GRID1: variants seen among roughly 807,000 people sequenced by gnomAD.
GRID1 encodes glutamate receptor ionotropic, delta-1.
A neutral mutation model predicts 98.0 loss-of-function variants in GRID1; 28 were observed. The ratio of observed to expected loss-of-function variants is 0.29; its 90% CI spans 0.21 to 0.39. The LOEUF (loss-of-function observed/expected upper bound fraction) is 0.39, where lower values mean the gene tolerates loss of function less well. Ranked by LOEUF, GRID1 falls within the 10% of genes least tolerant of loss-of-function variation. GRID1 has a pLI of 1.00. For synonymous variants in GRID1, 553 were observed against 538.5 expected, an observed-to-expected ratio of 1.03 and a Z score of -0.37; for missense variants, 1,111 against 1,340.5, an observed-to-expected ratio of 0.83 and a Z score of 2.67.
chr10:85,781,218 T>A (rs1013461723), intron 8 of GRID1, among the ~76,000 whole-genome samples: 1 of 152,184 alleles, frequency 6.6e-6, no homozygotes, highest in Non-Finnish European at 1.5e-5. Flanking sequence ...AACCCAATTT[T>A]AAAAAATCAA....
At chr10:85,847,902 CTATT>C (rs749387443) in intron 8 of GRID1, among the ~76,000 whole-genome samples, 9 of 152,070 alleles carry the variant, frequency 5.9e-5, no homozygotes, top group Non-Finnish European at 5.9e-5. Flanking sequence ...CAAAGGCAAA[CTATT>C]TATTGGAACA....
chr10:86,078,475 G>A (rs1399407385), intron 4 of GRID1, among the ~76,000 whole-genome samples: 2 of 152,236 alleles, frequency 1.3e-5, no homozygotes. Flanking sequence ...TTCTCCACAA[G>A]CCATCCCCCT....
At position 85,969,409 on chromosome 10, in the gene GRID1, T is replaced by C. The variant is rs145635940; in HGVS notation, c.727-53170A>G. On this transcript the variant is annotated intron_variant, in intron 4 of 15. Transcript: ENST00000327946. ...ATTCTTCTCATGCACACATGGAACA[T>C]TTCCCCAGGATAGGACAGACTATGT... Among the ~76,000 whole-genome samples, 4 of 152,268 alleles carry C rather than the reference T, an allele frequency of 2.6e-5. No homozygotes were observed. The East Asian group carries it at 5.8e-4, about 22-fold the overall frequency.
Position 85,835,504 on chromosome 10 carries a change from G to C in GRID1, c.1233+18992C>G, listed in dbSNP as rs1842904713. ...CTTCCCCTGCACAATCTCCCTTGCT[G>C]ACCGCCAGGTAAGACGTGATATTGC... On this transcript the variant is annotated intron_variant, in intron 8 of 15. Transcript: ENST00000327946. Among the ~76,000 whole-genome samples the C allele has an allele frequency of 3.9e-5, 6 of 152,172 alleles. No individual in the cohort carries two copies. In the South Asian group the frequency reaches 1.2e-3, roughly 32 times the overall value.
At chr10:85,604,707 C>T (rs866869845) in intron 15 of GRID1, among the ~76,000 whole-genome samples, 13 of 152,228 alleles carry the variant, frequency 8.5e-5, no homozygotes, top group Admixed American at 3.3e-4. Context: ...TTACCTTACA[C>T]CATGGTGGAG....
intron 2 of GRID1, among the ~76,000 whole-genome samples, chr10:86,262,766 G>C (rs757497577): frequency 3.9e-5 from 6 of 152,164 alleles, no homozygotes; most frequent in Non-Finnish European, 8.8e-5. Context: ...GCCTCTCAGC[G>C]CACCCTAATT....
At chr10:86,322,547 A>C (rs1847985623) in intron 2 of GRID1, among the ~76,000 whole-genome samples, 1 of 151,674 alleles carries the variant, frequency 6.6e-6, no homozygotes, top group South Asian at 2.1e-4. Context: ...AGCAGCTGGG[A>C]CTAGAGGCAC....
At chr10:86,105,302 T>C (rs951151229) in intron 4 of GRID1, among the ~76,000 whole-genome samples, 12 of 151,878 alleles carry the variant, frequency 7.9e-5, no homozygotes, top group African/African-American at 1.2e-4. Flanking sequence ...AGGCCTGGAG[T>C]GTGCCCACCA....
intron 4 of GRID1, among the ~76,000 whole-genome samples, chr10:86,051,035 G>A (rs139219657): frequency 2.6e-4 from 40 of 151,460 alleles, no homozygotes; most frequent in East Asian, 1.2e-3. Context: ...CCAAGATTGC[G>A]CCATTGCACT....
intron 8 of GRID1, among the ~76,000 whole-genome samples, chr10:85,800,366 A>G (rs997505009): frequency 6.6e-6 from 1 of 152,086 alleles, no homozygotes; most frequent in Non-Finnish European, 1.5e-5. Context: ...CTAAACAAGA[A>G]CAAACTATGT....
chr10:85,872,144 C>G (rs555556206), intron 5 of GRID1, among the ~76,000 whole-genome samples: 1 of 151,822 alleles, frequency 6.6e-6, no homozygotes, highest in Non-Finnish European at 1.5e-5. Flanking sequence ...GGCCCTGCCC[C>G]GAACACAGGA....
At chr10:86,086,735 C>T (rs537724609) in intron 4 of GRID1, among the ~76,000 whole-genome samples, 1 of 152,146 alleles carries the variant, frequency 6.6e-6, no homozygotes, top group East Asian at 1.9e-4. Flanking sequence ...TGTGTGTGTG[C>T]ATATGTGCAC....
Position 85,762,563 on chromosome 10 carries a change from G to A in GRID1, c.1234-32949C>T, listed in dbSNP as rs1390419255. On this transcript the variant is annotated intron_variant, in intron 8 of 15. Coordinates refer to ENST00000327946, the MANE Select transcript of GRID1 (RefSeq NM_017551.3). The stretch of plus-strand genomic sequence containing the variant: ...CCCAGTCTGCCCCAATGTGGGAACT[G>A]TGCCTCAATCAGCTTTCTCCTTTCA... Among the ~76,000 whole-genome samples the A allele has an allele frequency of 2.6e-5, 4 of 152,170 alleles. No homozygotes were observed. The East Asian group carries it at 5.8e-4, about 22-fold the overall frequency.
chr10:85,949,169 T>C (rs1367142643), intron 4 of GRID1, among the ~76,000 whole-genome samples: 1 of 152,176 alleles, frequency 6.6e-6, no homozygotes, highest in Non-Finnish European at 1.5e-5. Context: ...CAGGGTGTTG[T>C]ATTGGTTTTT....
chr10:86,361,261 C>T (rs962178744), intron 2 of GRID1, among the ~76,000 whole-genome samples: 3 of 152,212 alleles, frequency 2.0e-5, no homozygotes, highest in African/African-American at 7.2e-5. Context: ...CCTTCCAGGG[C>T]AGGCTCCTCC....
intron 8 of GRID1, among the ~76,000 whole-genome samples, chr10:85,817,893 A>G (rs908945936): frequency 2.0e-5 from 3 of 148,786 alleles, no homozygotes; most frequent in African/African-American, 7.6e-5. Context: ...TCCGTCTCAG[A>G]AAAAAAAAAG....
chr10:86,018,954 A>C (rs1042457279), intron 4 of GRID1, among the ~76,000 whole-genome samples: 1 of 152,202 alleles, frequency 6.6e-6, no homozygotes, highest in Non-Finnish European at 1.5e-5. Flanking sequence ...TCCAAAAGAT[A>C]CTGACAATGT....
intron 5 of GRID1, among the ~76,000 whole-genome samples, chr10:85,879,900 G>C (rs998629793): frequency 4.6e-5 from 7 of 152,010 alleles, no homozygotes; most frequent in Admixed American, 2.6e-4. Context: ...AGAAAAGAGA[G>C]AAGAATCAAA....
intron 4 of GRID1, among the ~76,000 whole-genome samples, chr10:85,929,395 C>T (rs1841819811): frequency 2.0e-5 from 3 of 152,218 alleles, no homozygotes; most frequent in African/African-American, 7.2e-5. Flanking sequence ...TCCAGCCTCC[C>T]ATGGCTTTCT....
Sources: allele counts gnomAD v4.1 joint callset (sites outside exome capture counted in the v4.1 genomes callset), GRCh38; gene constraint gnomAD v4.1.1; transcripts MANE v1.5; gene names NCBI Gene and HGNC (gene_info 2026-07-23, HGNC 2026-07-21).